Variants in NRP2 observed in about 807,000 individuals in gnomAD.
NRP2 encodes the protein neuropilin 2.
In NRP2, 52 loss-of-function variants were observed where a neutral mutation model predicts 110.4. The ratio of observed to expected loss-of-function variants is 0.47; its 90% CI spans 0.38 to 0.59. The LOEUF is 0.59. Ranked by LOEUF, NRP2 falls within the 20% of genes least tolerant of loss-of-function variation. The pLI, the probability that NRP2 is intolerant of heterozygous loss-of-function variation, is 0.00. For missense variants in NRP2, 1,049 were observed against 1,203.0 expected, an observed-to-expected ratio of 0.87 and a Z score of 1.89; for synonymous variants, 508 against 468.9, an observed-to-expected ratio of 1.08 and a Z score of -1.08.
chr2:205,726,020 C>T lies in NRP2; in HGVS notation c.928C>T (p.Arg310Trp), dbSNP rs758434930. Residue 310 changes from arginine (R) to tryptophan (W), a missense_variant, in exon 6 of 17, where the codon CGG becomes TGG. Physicochemically the swap from Arg to Trp is moderately radical, Grantham distance 101. Transcript: ENST00000357785. Reference protein sequence around the residue: ...SDGRWTPQQSRLHGDDNGWTP... With the variant: ...SDGRWTPQQSWLHGDDNGWTP... ...TGGGAGGTGGACCCCTCAACAAAGC[C>T]GGCTCCATGGTGATGACAATGGCTG... 3.1e-6 allele frequency: 5 copies of T among 1,614,072 alleles called. No homozygotes were observed. The highest frequency in any genetic ancestry group is 1.1e-5 in the South Asian group (1 of 91,080).
rs548883568 is a variant in NRP2, at chr2:205,763,244, A to C, written c.2045-430A>C. On this transcript the variant is annotated intron_variant, in intron 12 of 16. Transcript: ENST00000357785. This position sits in a 1 kb window ranked among gnomAD's most constrained non-coding sequence, Gnocchi z 4.0. ...TCACCCTCCAATCTAGCAGCCCCCC[A>C]CCCCCTATAATCTGTCCCCTTGTAA... is the stretch of plus-strand genomic sequence containing the variant. Among the ~76,000 whole-genome samples the C allele has an allele frequency of 0.011, 1,681 of 150,834 alleles. 26 individuals carry two copies. Among genetic ancestry groups the C allele is most frequent in the African/African-American group, 0.039 (1,586 of 40,708 alleles).
chr2:205,790,221 A>G (rs1476667853), intron 15 of NRP2, among the ~76,000 whole-genome samples: 2 of 152,202 alleles, frequency 1.3e-5, no homozygotes, highest in African/African-American at 4.8e-5. Context: ...AAATGGGCCA[A>G]TTCTTAGGAA....
intron 15 of NRP2, among the ~76,000 whole-genome samples, chr2:205,773,197 A>G (rs1242591140): frequency 1.3e-5 from 2 of 152,292 alleles, no homozygotes; most frequent in Non-Finnish European, 2.9e-5. Flanking sequence ...CTAAACCAGC[A>G]CACTCCACCT....
chr2:205,690,579 TACACACACACACACAC>T (rs10591632), intron 1 of NRP2, among the ~76,000 whole-genome samples: 37 of 124,278 alleles, frequency 3.0e-4, no homozygotes, highest in Admixed American at 7.6e-4. Flanking sequence ...CTGCTAAAAA[TACACACACACACACAC>T]ACACACACAC....
intron 1 of NRP2, among the ~76,000 whole-genome samples, chr2:205,684,568 C>A (rs896229022): frequency 6.6e-6 from 1 of 152,188 alleles, no homozygotes; most frequent in African/African-American, 2.4e-5. Flanking sequence ...TCACGCCCCC[C>A]ACCAGCACAC....
At position 205,795,344 on chromosome 2, in the gene NRP2, A is replaced by G. The variant is rs1448585710; in HGVS notation, c.*286A>G. On this transcript the variant is annotated 3_prime_UTR_variant, in exon 17 of 17. Transcript: ENST00000357785. ...CTCATCTCTTTGGGGTCACAGTTCT[A>G]TTTTGTTTGTGAGTTTGTATTATTA... 4.0e-6 allele frequency: 1 copy of G among 252,656 alleles called. No individual in the cohort carries two copies. Among genetic ancestry groups the G allele is most frequent in the Middle Eastern group, 1.3e-3 (1 of 786 alleles). The allele number at this position is 252,656 out of a possible 1,614,324, so 15.7% of individuals were successfully genotyped here. A position where few individuals can be genotyped will look rare whatever the true frequency, so the allele number is the denominator to read the frequency against.
intron 8 of NRP2, 135 bp downstream of exon 8, chr2:205,740,798 A>G: frequency 1.1e-6 from 1 of 950,576 alleles, no homozygotes; most frequent in Non-Finnish European, 1.6e-6. Context: ...AAGTCCTACC[A>G]GAGTTTGTCT....
intron 2 of NRP2, among the ~76,000 whole-genome samples, chr2:205,711,024 T>A (rs12327985): frequency 0.42 from 64,136 of 152,052 alleles, 14,248 homozygotes; most frequent in Middle Eastern, 0.55. Context: ...TGTTTTTGAG[T>A]CACAAGGCAA....
chr2:205,702,359 T>C (rs1420004349), intron 2 of NRP2, among the ~76,000 whole-genome samples: 1 of 152,232 alleles, frequency 6.6e-6, no homozygotes, highest in Non-Finnish European at 1.5e-5. Flanking sequence ...GCATTTCCAG[T>C]TGGCTTCAGC....
rs754943758 is a variant in NRP2, at chr2:205,723,741, G to A, written c.665-44G>A. 10 of 1,609,302 alleles carry A rather than the reference G, an allele frequency of 6.2e-6. No individual in the cohort carries two copies. In the African/African-American group the frequency reaches 6.7e-5, roughly 11 times the overall value. On this transcript the variant is annotated intron_variant, in intron 4 of 16. Transcript: ENST00000357785. ...GGAAAACGGAGTGAAAACCAAGTTT[G>A]ACATTTTGATTTCCACTGACTTCTC...
intron 15 of NRP2, chr2:205,776,205 T>G (rs764185768): frequency 6.4e-7 from 1 of 1,557,586 alleles, no homozygotes; most frequent in Non-Finnish European, 8.8e-7. Context: ...TTAGTCTGCA[T>G]GCTCTCAGCC....
rs185177461 is a variant in NRP2, at chr2:205,711,553, C to A, written c.252-4640C>A. 2.0e-5 allele frequency among the ~76,000 whole-genome samples: 3 copies of A among 152,078 alleles called. No individual in the cohort carries two copies. In the East Asian group the frequency reaches 5.8e-4, roughly 29 times the overall value. On this transcript the variant is annotated intron_variant, in intron 2 of 16. Transcript: ENST00000357785. ...CAGAGGAAAGAGCGCTTGCAAAGGC[C>A]CTGGGGTTGGAAAGAGCTCACCATA...
At chr2:205,731,555 G>C (rs1376679025) in intron 7 of NRP2, among the ~76,000 whole-genome samples, 1 of 152,170 alleles carries the variant, frequency 6.6e-6, no homozygotes, top group African/African-American at 2.4e-5. Context: ...GGGGGAGAGA[G>C]ACTACTGCCC....
intron 16 of NRP2, among the ~76,000 whole-genome samples, chr2:205,794,006 G>A (rs1351235557): frequency 6.6e-6 from 1 of 152,194 alleles, no homozygotes; most frequent in African/African-American, 2.4e-5. Context: ...GGAAAGGAGG[G>A]ATGTAGAGGT....
At chr2:205,695,730 C>T (rs550850207) in intron 1 of NRP2, among the ~76,000 whole-genome samples, 1 of 152,274 alleles carries the variant, frequency 6.6e-6, no homozygotes, top group South Asian at 2.1e-4. Context: ...TGATCTATGT[C>T]CTCACACCTC....
At position 205,709,262 on chromosome 2, in the gene NRP2, C is replaced by CT. The variant is rs925453886; in HGVS notation, c.252-6930dup. Among the ~76,000 whole-genome samples, 7 of 152,230 alleles carry CT rather than the reference C, an allele frequency of 4.6e-5. 1 individual carries two copies. The highest frequency in any genetic ancestry group is 1.7e-4 in the African/African-American group (7 of 41,460). On this transcript the variant is annotated intron_variant, in intron 2 of 16. Transcript: ENST00000357785. ...AAGAAGCAGGGTATTGAGACTGCCT[C>CT]TAACTGTGCTTTTCGTTTCATCTTC...
chr2:205,719,906 A>G (rs1030668013), intron 3 of NRP2, among the ~76,000 whole-genome samples: 1 of 152,212 alleles, frequency 6.6e-6, no homozygotes, highest in African/African-American at 2.4e-5. Flanking sequence ...CAGCTTCTGT[A>G]GACAATCTTA....
chr2:205,784,552 C>A (rs2058214745), intron 15 of NRP2, among the ~76,000 whole-genome samples: 1 of 152,176 alleles, frequency 6.6e-6, no homozygotes, highest in Non-Finnish European at 1.5e-5. Context: ...CCTTGGCCAA[C>A]TGTGGCCTAA....
rs849546 is a variant in NRP2, at chr2:205,712,854, T to C, written c.252-3339T>C. 8.2e-3 allele frequency among the ~76,000 whole-genome samples: 1,244 copies of C among 152,322 alleles called. 69 individuals carry two copies. In the East Asian group the frequency reaches 0.12, roughly 15 times the overall value. ...CTCAAGCAAACCTTATAGAAAAATC[T>C]AGTTTTTCTAAGAAGTTCAAGTAAG... is the stretch of plus-strand genomic sequence containing the variant. On this transcript the variant is annotated intron_variant, in intron 2 of 16. Transcript: ENST00000357785.
Sources: gnomAD v4.1 joint callset for allele counts (sites outside exome capture counted in the v4.1 genomes callset) on GRCh38, gnomAD v4.1.1 for gene constraint, Gnocchi (gnomAD v3.1) non-coding constraint, MANE v1.5 for transcripts, NCBI Gene and HGNC (gene_info 2026-07-23, HGNC 2026-07-21) for gene names.